Variants in USP13 observed in about 807,000 individuals in gnomAD.
USP13 encodes ubiquitin carboxyl-terminal hydrolase 13.
USP13 carries 68 observed loss-of-function variants against 107.8 expected under a neutral mutation model. That is an observed-to-expected ratio of 0.63 (90% confidence interval 0.52 to 0.77). USP13 has a LOEUF of 0.77. Ranked by LOEUF, USP13 falls within the 30% of genes least tolerant of loss-of-function variation. USP13 has a pLI of 0.00. For synonymous variants in USP13, 377 were observed against 389.5 expected (o/e 0.97, Z 0.38); for missense variants, 945 against 1,093.3 (o/e 0.86, Z 1.91).
chr3:179,774,671 A>G (rs886744800), intron 19 of USP13, among the ~76,000 whole-genome samples: 2 of 152,232 alleles, frequency 1.3e-5, no homozygotes, highest in African/African-American at 4.8e-5. Context: ...GATTTATTGC[A>G]AAGAGCAAAA....
intron 10 of USP13, among the ~76,000 whole-genome samples, chr3:179,732,016 A>T (rs957019343): frequency 6.6e-6 from 1 of 152,184 alleles, no homozygotes; most frequent in Non-Finnish European, 1.5e-5. Flanking sequence ...TGGAAAGAAC[A>T]TATAGAGGCA....
chr3:179,741,672 CAGG>C (rs1189415933), intron 11 of USP13, among the ~76,000 whole-genome samples: 4 of 152,196 alleles, frequency 2.6e-5, no homozygotes, highest in Admixed American at 2.0e-4. Context: ...CCAGTGTTCA[CAGG>C]TTGGCATCTG....
At chr3:179,682,066 C>A in intron 2 of USP13, 63 bp downstream of exon 2, 1 of 1,523,142 alleles carries the variant, frequency 6.6e-7, no homozygotes, top group Non-Finnish European at 8.9e-7. Flanking sequence ...TCTCAGTGTG[C>A]TTTCTCACGT....
intron 4 of USP13, among the ~76,000 whole-genome samples, chr3:179,703,694 G>A (rs1349830933): frequency 1.3e-5 from 2 of 152,236 alleles, no homozygotes; most frequent in South Asian, 2.1e-4. Flanking sequence ...CACTGAATGC[G>A]GTGTTGGAAA....
chr3:179,778,551 G>A (rs1715625228), intron 19 of USP13, among the ~76,000 whole-genome samples: 1 of 152,188 alleles, frequency 6.6e-6, no homozygotes, highest in Non-Finnish European at 1.5e-5. Flanking sequence ...ATTACCTGAG[G>A]TCAGGCGTTC....
intron 12 of USP13, among the ~76,000 whole-genome samples, chr3:179,744,184 T>C (rs1714310562): frequency 6.6e-6 from 1 of 152,190 alleles, no homozygotes; most frequent in Non-Finnish European, 1.5e-5. Context: ...TCATGGGTTG[T>C]TTGATGGTGG....
intron 6 of USP13, among the ~76,000 whole-genome samples, chr3:179,716,371 C>T (rs969280108): frequency 6.6e-6 from 1 of 152,212 alleles, no homozygotes; most frequent in Admixed American, 6.5e-5. Flanking sequence ...ATGACTAAAC[C>T]ATGAGACCCT....
intron 5 of USP13, among the ~76,000 whole-genome samples, chr3:179,707,399 C>T (rs1712762888): frequency 6.6e-6 from 1 of 152,086 alleles, no homozygotes; most frequent in South Asian, 2.1e-4. Context: ...GAAGCTCCCT[C>T]CCTCCTCCTG....
intron 4 of USP13, among the ~76,000 whole-genome samples, chr3:179,704,256 G>T (rs1343234137): frequency 3.3e-5 from 5 of 152,248 alleles, no homozygotes; most frequent in East Asian, 3.9e-4. Context: ...CAAAGGAGAA[G>T]ATTCTATTTG....
rs142294173 is a variant in USP13 at position 179,696,098 on chromosome 3, A to C, written c.356-4910A>C. Among the ~76,000 whole-genome samples, 108 of 152,308 alleles carry C rather than the reference A, an allele frequency of 7.1e-4. 1 individual carries two copies. Among genetic ancestry groups the C allele is most frequent in the African/African-American group, 2.4e-3 (99 of 41,554 alleles). The stretch of plus-strand genomic sequence containing the variant: ...GTGGTAAAAGTCAAGCACCATGTGA[A>C]AATCAATGTGAAATAGGAAATAAGG... On this transcript the variant is annotated intron_variant, in intron 3 of 20. Transcript: ENST00000263966.
At chr3:179,724,574 G>A (rs988979617) in intron 8 of USP13, among the ~76,000 whole-genome samples, 1 of 152,102 alleles carries the variant, frequency 6.6e-6, no homozygotes, top group Non-Finnish European at 1.5e-5. Flanking sequence ...GCATAATTAG[G>A]GAACTTGGCC....
chr3:179,772,563 C>A (rs1160180084), intron 19 of USP13, among the ~76,000 whole-genome samples: 2 of 152,152 alleles, frequency 1.3e-5, no homozygotes, highest in Admixed American at 1.3e-4. Context: ...AGGTACAGCT[C>A]CCCAGGGAAG....
intron 8 of USP13, among the ~76,000 whole-genome samples, chr3:179,724,982 G>A (rs1713460601): frequency 1.3e-5 from 2 of 152,188 alleles, no homozygotes; most frequent in Admixed American, 6.5e-5. Context: ...CACTTTGGGA[G>A]TCTGAGGTGG....
At chr3:179,666,898 C>A (rs1269249078) in intron 1 of USP13, among the ~76,000 whole-genome samples, 1 of 152,244 alleles carries the variant, frequency 6.6e-6, no homozygotes, top group Non-Finnish European at 1.5e-5. Flanking sequence ...TCAAATCCAC[C>A]TCCACTTACT....
chr3:179,653,529 T>G lies in USP13; in HGVS notation c.168+136T>G. 1 of 1,250,410 alleles carries G rather than the reference T, an allele frequency of 8.0e-7. No homozygotes were observed. Among genetic ancestry groups the G allele is most frequent in the Non-Finnish European group, 1.1e-6 (1 of 915,466 alleles). 77.5% of individuals were successfully genotyped at this position (1,250,410 alleles called of 1,614,324 possible). A position where few individuals can be genotyped will look rare whatever the true frequency, so the allele number is the denominator to read the frequency against. On this transcript the variant is annotated intron_variant, in intron 1 of 20. Transcript: ENST00000263966. This position sits in a 1 kb window ranked among gnomAD's most constrained non-coding sequence, Gnocchi z 4.0. ...CAGAGTTGGCTCAGGAACACTGCAG[T>G]TCGGCAGACACTTAGTGAGCGCCCC...
At chr3:179,692,434 A>C (rs2108465820) in intron 3 of USP13, among the ~76,000 whole-genome samples, 1 of 152,314 alleles carries the variant, frequency 6.6e-6, no homozygotes, top group Non-Finnish European at 1.5e-5. Context: ...GCTTATCTGC[A>C]GTTGGTTCTT....
chr3:179,751,574 G>T (rs1284829110), intron 13 of USP13, among the ~76,000 whole-genome samples: 5 of 152,158 alleles, frequency 3.3e-5, no homozygotes, highest in Admixed American at 2.6e-4. Flanking sequence ...CCACATACAT[G>T]TATACCAAGC....
In USP13 at chr3:179,715,500, G is replaced by C. The variant is rs567560866; in HGVS notation, c.806-4440G>C. On this transcript the variant is annotated intron_variant, in intron 6 of 20. Coordinates refer to ENST00000263966, the MANE Select transcript of USP13 (RefSeq NM_003940.3). ...CTGCCTCAGCCTCCCAAGTAGCTGG[G>C]ATTACAGGCACGCACAACCACGCCC... 2.6e-5 allele frequency among the ~76,000 whole-genome samples: 4 copies of C among 151,804 alleles called. 1 individual carries two copies. Among genetic ancestry groups the C allele is most frequent in the African/African-American group, 9.7e-5 (4 of 41,414 alleles).
Position 179,690,240 on chromosome 3 carries a change from G to C in USP13, c.295-1G>C. ...TTAATGATCTTTTGTTTTCTTTTCAGAAGGTAAGAGGGGCGTCTGGTGGAG... is the reference window on the plus strand; with the variant it reads ...TTAATGATCTTTTGTTTTCTTTTCACAAGGTAAGAGGGGCGTCTGGTGGAG... On this transcript the variant is annotated splice_acceptor_variant, in intron 2 of 20. Coordinates refer to ENST00000263966, the MANE Select transcript of USP13 (RefSeq NM_003940.3). LOFTEE classifies it high-confidence loss of function. 4 of 1,612,374 alleles carry C rather than the reference G, an allele frequency of 2.5e-6. No homozygotes were observed. In the South Asian group the frequency reaches 4.4e-5, roughly 18 times the overall value.
Sources: allele counts gnomAD v4.1 joint callset (sites outside exome capture counted in the v4.1 genomes callset), GRCh38; gene constraint gnomAD v4.1.1; non-coding constraint Gnocchi (gnomAD v3.1); transcripts MANE v1.5; gene names NCBI Gene and HGNC (gene_info 2026-07-23, HGNC 2026-07-21).